Variants in CELF1 observed in about 807,000 individuals in gnomAD.
CELF1 encodes CUGBP Elav-like family member 1, also known as 50 kDa nuclear polyadenylated RNA-binding protein.
A neutral mutation model predicts 61.8 loss-of-function variants in CELF1; 10 were observed. The observed-to-expected ratio is 0.16, with a 90% CI of 0.10 to 0.27. CELF1 has a LOEUF of 0.27. CELF1 is among the 10% of genes least tolerant of loss of function. The pLI, the probability that CELF1 is intolerant of heterozygous loss-of-function variation, is 1.00. For missense variants in CELF1, 380 were observed against 639.1 expected, an observed-to-expected ratio of 0.59 and a Z score of 4.37; for synonymous variants, 236 against 225.1, an observed-to-expected ratio of 1.05 and a Z score of -0.43.
chr11:47,536,356 A>T (rs1475708238), intron 1 of CELF1, among the ~76,000 whole-genome samples: 1 of 152,196 alleles, frequency 6.6e-6, no homozygotes, highest in African/African-American at 2.4e-5. Context: ...ACAAGGCGAG[A>T]TTGTCATAAA....
At chr11:47,479,054 A>G in intron 9 of CELF1, 102 bp from the exon 10 acceptor site, 1 of 892,450 alleles carries the variant, frequency 1.1e-6, no homozygotes, top group Non-Finnish European at 1.8e-6. Context: ...AGAGGCCCCC[A>G]GAGAGAAGAA....
Position 47,479,614 on chromosome 11 carries a change from T to C in CELF1, c.769-662A>G, listed in dbSNP as rs189826831. ...TACCAGGTTCAGAGTACGTTCTCCTTCAATGATGGTCCCATGACAAATAAA... is the reference window on the plus strand; with the variant it reads ...TACCAGGTTCAGAGTACGTTCTCCTCCAATGATGGTCCCATGACAAATAAA... On this transcript the variant is annotated intron_variant, in intron 9 of 14. Transcript: ENST00000687097. Among the ~76,000 whole-genome samples the C allele has an allele frequency of 9.8e-5, 15 of 152,314 alleles. No homozygotes were observed. In the East Asian group the frequency reaches 2.9e-3, roughly 29 times the overall value.
At position 47,470,454 on chromosome 11, in the gene CELF1, T is replaced by C. The variant is rs547275057; in HGVS notation, c.*1776A>G. 1.7e-4 allele frequency: 26 copies of C among 152,132 alleles called. No homozygotes were observed. Among genetic ancestry groups the C allele is most frequent in the African/African-American group, 5.3e-4 (22 of 41,410 alleles). The allele number at this position is 152,132 out of a possible 1,614,324, so 9.4% of individuals were successfully genotyped here. A position where few individuals can be genotyped will look rare whatever the true frequency, so the allele number is the denominator to read the frequency against. On this transcript the variant is annotated 3_prime_UTR_variant, in exon 15 of 15. Transcript: ENST00000687097. ...AGTTTACGTGGTTCAGCTTAAGAAG[T>C]GTATGTTTCACGTTCCTTAGAGGAC...
At chr11:47,528,590 G>A (rs1292308622) in intron 1 of CELF1, among the ~76,000 whole-genome samples, 2 of 151,942 alleles carry the variant, frequency 1.3e-5, no homozygotes, top group African/African-American at 4.8e-5. Flanking sequence ...CTGCACTCCA[G>A]CATGGAAAAA....
chr11:47,480,762 C>T (rs1328653909), intron 9 of CELF1, among the ~76,000 whole-genome samples: 1 of 152,178 alleles, frequency 6.6e-6, no homozygotes, highest in Non-Finnish European at 1.5e-5. Context: ...TAACCGGACC[C>T]AGTGGTTCAC....
rs868815142 is a variant in CELF1 at position 47,507,855 on chromosome 11, T to A, written c.-153-6923A>T. ...AGATTTAATTAGTTTCCAATTTTGCTAATAAAGTAGTGATAGTTCCAGTAA... is the reference window on the plus strand; with the variant it reads ...AGATTTAATTAGTTTCCAATTTTGCAAATAAAGTAGTGATAGTTCCAGTAA... On this transcript the variant is annotated intron_variant, in intron 1 of 14. Coordinates refer to ENST00000687097, the MANE Select transcript of CELF1 (RefSeq NM_001376376.1). Among the ~76,000 whole-genome samples the A allele has an allele frequency of 3.3e-5, 5 of 152,184 alleles. No individual in the cohort carries two copies. The South Asian group carries it at 1.0e-3, about 32-fold the overall frequency.
upstream of CELF1, chr11:47,565,511 C>T (rs544525363): frequency 4.6e-5 from 45 of 986,582 alleles, 1 homozygote; most frequent in South Asian, 1.8e-3. Flanking sequence ...CCGGTGCGAG[C>T]CCGCGAGAGG....
At chr11:47,483,124 C>T (rs536687131) in intron 8 of CELF1, among the ~76,000 whole-genome samples, 7 of 151,940 alleles carry the variant, frequency 4.6e-5, no homozygotes, top group South Asian at 2.1e-4. Flanking sequence ...ATTAACTGGG[C>T]GTGCTGGTGT....
chr11:47,516,601 CT>C (rs1399209284), intron 1 of CELF1, among the ~76,000 whole-genome samples: 398 of 144,322 alleles, frequency 2.8e-3, no homozygotes, highest in African/African-American at 5.5e-3. Flanking sequence ...ATAATATTCT[CT>C]TTTTTTTTTT....
chr11:47,475,459 T>C lies in CELF1; in HGVS notation c.1150A>G (p.Met384Val). The C allele has an allele frequency of 6.2e-7, 1 of 1,614,078 alleles. No homozygotes were observed. Among genetic ancestry groups the C allele is most frequent in the Non-Finnish European group, 8.5e-7 (1 of 1,180,040 alleles). ...SGLSNGTGSTMEALTQAYSGI... is the reference protein window; with the variant it reads ...SGLSNGTGSTVEALTQAYSGI... The stretch of plus-strand genomic sequence containing the variant: ...GAGTAGGCCTGAGTGAGGGCCTCCA[T>C]GGTGCTCCCGGTGCCATTGGAAAGG... Residue 384 changes from methionine (M) to valine (V), a missense_variant, in exon 13 of 15, where the codon ATG becomes GTG. Transcript: ENST00000687097.
intron 1 of CELF1, among the ~76,000 whole-genome samples, chr11:47,521,767 CTA>C (rs1225267946): frequency 5.3e-5 from 8 of 152,202 alleles, no homozygotes; most frequent in Non-Finnish European, 1.0e-4. Context: ...CATGATGATT[CTA>C]TCTCTTCAAA....
intron 9 of CELF1, 39 bp from the exon 10 acceptor site, chr11:47,478,991 G>A: frequency 6.5e-7 from 1 of 1,537,200 alleles, no homozygotes; most frequent in South Asian, 1.2e-5. Flanking sequence ...GAGTGAGAGT[G>A]AGGGCTGGTT....
chr11:47,478,364 G>T (rs1277344973), intron 10 of CELF1, among the ~76,000 whole-genome samples: 1 of 152,202 alleles, frequency 6.6e-6, no homozygotes. Flanking sequence ...GCTCAGGTTT[G>T]TTGTGGCACT....
chr11:47,493,999 C>T (rs1316982607), intron 3 of CELF1, among the ~76,000 whole-genome samples: 1 of 152,200 alleles, frequency 6.6e-6, no homozygotes, highest in Non-Finnish European at 1.5e-5. Flanking sequence ...TAAATACATT[C>T]TCAAATTTGT....
intron 1 of CELF1, among the ~76,000 whole-genome samples, chr11:47,533,807 CCCAAAAA>C (rs1425216468): frequency 0.012 from 819 of 67,600 alleles, 19 homozygotes; most frequent in African/African-American, 0.041. Context: ...GAGACTCTCC[CCCAAAAA>C]AAAAAAAAAA....
At chr11:47,501,460 C>G (rs2093887631) in intron 1 of CELF1, among the ~76,000 whole-genome samples, 1 of 152,150 alleles carries the variant, frequency 6.6e-6, no homozygotes, top group African/African-American at 2.4e-5. Flanking sequence ...AGTCGACAAC[C>G]AAATTAGATC....
intron 3 of CELF1, among the ~76,000 whole-genome samples, chr11:47,489,929 C>CGTTT (rs1428902911): frequency 5.7e-5 from 2 of 35,328 alleles, no homozygotes; most frequent in Non-Finnish European, 6.0e-5. Flanking sequence ...CAGAACATAC[C>CGTTT]ATCTTGTTTT....
chr11:47,486,062 G>A (rs2086754640), intron 6 of CELF1, among the ~76,000 whole-genome samples: 1 of 94,482 alleles, frequency 1.1e-5, no homozygotes, highest in Non-Finnish European at 2.1e-5. Context: ...TCGGGAGGCT[G>A]AGGCAGGAGA....
chr11:47,480,352 G>T (rs2082314516), intron 9 of CELF1, among the ~76,000 whole-genome samples: 1 of 152,188 alleles, frequency 6.6e-6, no homozygotes, highest in South Asian at 2.1e-4. Flanking sequence ...TTCCCAAAAT[G>T]CTGGGATTAC....
Sources: allele counts gnomAD v4.1 joint callset (sites outside exome capture counted in the v4.1 genomes callset), GRCh38; gene constraint gnomAD v4.1.1; transcripts MANE v1.5; gene names NCBI Gene and HGNC (gene_info 2026-07-23, HGNC 2026-07-21).